Variants in NOS1AP observed in about 807,000 individuals in gnomAD.
NOS1AP encodes the protein carboxyl-terminal PDZ ligand of neuronal nitric oxide synthase protein.
A neutral mutation model predicts 56.2 loss-of-function variants in NOS1AP; 21 were observed. That is an observed-to-expected ratio of 0.37 (90% CI 0.26 to 0.54). NOS1AP has a LOEUF of 0.54. Ranked by LOEUF, NOS1AP falls within the 20% of genes least tolerant of loss-of-function variation. The probability of loss-of-function intolerance (pLI) is 0.84; values close to 1 mark genes in which losing one functional copy is unlikely to be tolerated. For missense variants in NOS1AP, 522 were observed against 657.8 expected (o/e 0.79, Z 2.26); for synonymous variants, 270 against 274.6 (o/e 0.98, Z 0.17).
Position 162,234,056 on chromosome 1 carries a change from A to G in NOS1AP, c.178-53288A>G, listed in dbSNP as rs1042137457. On this transcript the variant is annotated intron_variant, in intron 2 of 9. Coordinates refer to ENST00000361897, the MANE Select transcript of NOS1AP (RefSeq NM_014697.3). ...TTAACACCCAAGGAATTTAAAATCTAGTAGGAAAGACCAACATGCATAGAG... is the reference window on the plus strand; with the variant it reads ...TTAACACCCAAGGAATTTAAAATCTGGTAGGAAAGACCAACATGCATAGAG... Among the ~76,000 whole-genome samples the G allele has an allele frequency of 3.9e-5, 6 of 152,364 alleles. No individual in the cohort carries two copies. The South Asian group carries it at 6.2e-4, about 16-fold the overall frequency.
chr1:162,153,969 TC>T (rs1344836462), intron 1 of NOS1AP, among the ~76,000 whole-genome samples: 6 of 147,210 alleles, frequency 4.1e-5, no homozygotes, highest in Non-Finnish European at 7.5e-5. Context: ...AGGTATATAT[TC>T]TTTTTTTTTT....
intron 2 of NOS1AP, among the ~76,000 whole-genome samples, chr1:162,258,467 G>A (rs1248668657): frequency 6.6e-6 from 1 of 152,052 alleles, no homozygotes; most frequent in Non-Finnish European, 1.5e-5. Context: ...TCCTCCCATG[G>A]AATCCACCAC....
chr1:162,128,838 G>C (rs991467284), intron 1 of NOS1AP, among the ~76,000 whole-genome samples: 1 of 152,096 alleles, frequency 6.6e-6, no homozygotes, highest in Non-Finnish European at 1.5e-5. Context: ...GATTTTTCTG[G>C]ACCACTGGGG....
At chr1:162,310,738 C>T (rs1655998291) in intron 4 of NOS1AP, among the ~76,000 whole-genome samples, 2 of 152,142 alleles carry the variant, frequency 1.3e-5, no homozygotes, top group Admixed American at 6.6e-5. Flanking sequence ...GATGATAATA[C>T]CCATCATAAT....
At chr1:162,327,712 T>G (rs1191978740) in intron 4 of NOS1AP, among the ~76,000 whole-genome samples, 1 of 152,198 alleles carries the variant, frequency 6.6e-6, no homozygotes, top group Non-Finnish European at 1.5e-5. Context: ...AAAAACATGA[T>G]CAGAGATGCT....
At chr1:162,338,295 G>A (rs1241062132) in intron 5 of NOS1AP, among the ~76,000 whole-genome samples, 1 of 152,090 alleles carries the variant, frequency 6.6e-6, no homozygotes, top group Admixed American at 6.6e-5. Context: ...TAGAGAGCTG[G>A]TAGACCATTA....
Position 162,070,022 on chromosome 1 carries a change from G to A in NOS1AP, c.-156G>A, listed in dbSNP as rs1171105723. The A allele has an allele frequency of 6.5e-6, 3 of 460,450 alleles. No homozygotes were observed. Among genetic ancestry groups the A allele is most frequent in the Non-Finnish European group, 1.1e-5 (3 of 262,408 alleles). 28.5% of individuals were successfully genotyped at this position (460,450 alleles called of 1,614,324 possible). A position where few individuals can be genotyped will look rare whatever the true frequency, so the allele number is the denominator to read the frequency against. On this transcript the variant is annotated 5_prime_UTR_variant, in exon 1 of 10. Coordinates refer to ENST00000361897, the MANE Select transcript of NOS1AP (RefSeq NM_014697.3). Reference sequence around the variant, plus strand: ...GCCGCTCGGCCCTCGGCACCGCTCCGGGTCCGGCCGCCGCGCGGCCAGGGC... The same window carrying A: ...GCCGCTCGGCCCTCGGCACCGCTCCAGGTCCGGCCGCCGCGCGGCCAGGGC...
intron 1 of NOS1AP, among the ~76,000 whole-genome samples, chr1:162,125,688 T>C (rs1329482577): frequency 6.6e-6 from 1 of 152,220 alleles, no homozygotes; most frequent in Non-Finnish European, 1.5e-5. Flanking sequence ...TGTAGTATAA[T>C]TTGATGTCCA....
chr1:162,277,268 G>T (rs1419679937), intron 2 of NOS1AP, among the ~76,000 whole-genome samples: 1 of 152,182 alleles, frequency 6.6e-6, no homozygotes, highest in African/African-American at 2.4e-5. Flanking sequence ...AAAGAGAGCT[G>T]CCAGTATTCT....
chr1:162,095,252 G>A (rs892718195), intron 1 of NOS1AP, among the ~76,000 whole-genome samples: 2 of 152,164 alleles, frequency 1.3e-5, no homozygotes, highest in African/African-American at 4.8e-5. Flanking sequence ...AGGCAACTAG[G>A]TCATGATAGC....
intron 1 of NOS1AP, among the ~76,000 whole-genome samples, chr1:162,150,635 G>A (rs1191604235): frequency 1.3e-5 from 2 of 152,100 alleles, no homozygotes; most frequent in African/African-American, 4.8e-5. Context: ...ATTATTGCCT[G>A]TCTTTTGGAT....
intron 2 of NOS1AP, among the ~76,000 whole-genome samples, chr1:162,240,667 G>A (rs186898960): frequency 6.6e-5 from 10 of 152,324 alleles, no homozygotes. Flanking sequence ...GCAGCTTTTT[G>A]TTTGCACAGG....
intron 5 of NOS1AP, among the ~76,000 whole-genome samples, chr1:162,334,577 G>C (rs185161796): frequency 2.6e-5 from 4 of 152,264 alleles, no homozygotes; most frequent in East Asian, 1.9e-4. Flanking sequence ...GAATTGGCTC[G>C]TCTGTAAGGT....
intron 6 of NOS1AP, among the ~76,000 whole-genome samples, chr1:162,346,260 T>C (rs1215813004): frequency 6.6e-6 from 1 of 152,198 alleles, no homozygotes; most frequent in Non-Finnish European, 1.5e-5. Context: ...GAATTTGTTA[T>C]AGAACCAAAG....
intron 2 of NOS1AP, among the ~76,000 whole-genome samples, chr1:162,189,036 G>A (rs1427146703): frequency 1.3e-5 from 2 of 152,116 alleles, no homozygotes; most frequent in African/African-American, 2.4e-5. Context: ...TAGCCTGGGC[G>A]ACAGAGTGAG....
At chr1:162,219,318 G>A (rs1177002148) in intron 2 of NOS1AP, among the ~76,000 whole-genome samples, 1 of 152,226 alleles carries the variant, frequency 6.6e-6, no homozygotes, top group East Asian at 1.9e-4. Flanking sequence ...GACAGGGGAA[G>A]CTAGACTTAA....
chr1:162,132,274 C>T (rs4657150), intron 1 of NOS1AP, among the ~76,000 whole-genome samples: 70,573 of 152,110 alleles, frequency 0.46, 19,747 homozygotes, highest in Non-Finnish European at 0.62. Flanking sequence ...GGGAAGGTGA[C>T]GCACATTGGA....
At chr1:162,209,407 T>C (rs1473229759) in intron 2 of NOS1AP, among the ~76,000 whole-genome samples, 2 of 152,246 alleles carry the variant, frequency 1.3e-5, no homozygotes, top group South Asian at 2.1e-4. Context: ...ACAGTTCTGC[T>C]TGGGGAAAAT....
intron 2 of NOS1AP, among the ~76,000 whole-genome samples, chr1:162,172,220 G>A (rs958954038): frequency 1.1e-4 from 17 of 152,198 alleles, no homozygotes; most frequent in African/African-American, 4.1e-4. Context: ...CCAGTAAATG[G>A]CAACTAAAGA....
Sources: gnomAD v4.1 joint callset for allele counts (sites outside exome capture counted in the v4.1 genomes callset) on GRCh38, gnomAD v4.1.1 for gene constraint, MANE v1.5 for transcripts, NCBI Gene and HGNC (gene_info 2026-07-23, HGNC 2026-07-21) for gene names.